PLCB1: variants seen among roughly 807,000 people sequenced by gnomAD.
PLCB1 encodes phospholipase C beta 1.
PLCB1 carries 46 observed loss-of-function variants against 161.8 expected under a neutral mutation model. The observed-to-expected ratio is 0.28, with a 90% CI of 0.22 to 0.36. The LOEUF (loss-of-function observed/expected upper bound fraction) is 0.36, where lower values mean the gene tolerates loss of function less well. Among genes scored for constraint, PLCB1 ranks in the 10% least tolerant of loss-of-function variants. The pLI is 1.00. For missense variants in PLCB1, 1,016 were observed against 1,472.5 expected, an observed-to-expected ratio of 0.69 and a Z score of 5.07; for synonymous variants, 517 against 503.7, an observed-to-expected ratio of 1.03 and a Z score of -0.35.
At chr20:8,576,895 A>T (rs1247322706) in intron 3 of PLCB1, among the ~76,000 whole-genome samples, 1 of 152,138 alleles carries the variant, frequency 6.6e-6, no homozygotes, top group Non-Finnish European at 1.5e-5. Flanking sequence ...TTTCAAGTCT[A>T]CGTGTGATGG....
At chr20:8,357,343 C>G (rs1049929771) in intron 2 of PLCB1, among the ~76,000 whole-genome samples, 1 of 152,142 alleles carries the variant, frequency 6.6e-6, no homozygotes, top group Non-Finnish European at 1.5e-5. Flanking sequence ...ATGATATTAA[C>G]CAATAATGTG....
chr20:8,866,594 T>C (rs949226733), intron 31 of PLCB1, among the ~76,000 whole-genome samples: 1 of 152,214 alleles, frequency 6.6e-6, no homozygotes, highest in African/African-American at 2.4e-5. Flanking sequence ...ATCAAAAGAA[T>C]AATCTAGTTA....
At chr20:8,463,146 A>AGAGCAGTGTGTGT (rs1555808931) in intron 3 of PLCB1, among the ~76,000 whole-genome samples, 1 of 144,680 alleles carries the variant, frequency 6.9e-6, no homozygotes, top group African/African-American at 2.6e-5. Context: ...AGTACAGAGC[A>AGAGCAGTGTGTGT]GTGTGTGTGT....
At chr20:8,197,253 C>T (rs756367796) in intron 2 of PLCB1, among the ~76,000 whole-genome samples, 1 of 152,128 alleles carries the variant, frequency 6.6e-6, no homozygotes, top group Non-Finnish European at 1.5e-5. Flanking sequence ...CACTGTCTTC[C>T]ACAATGTTTG....
chr20:8,304,391 C>T (rs1035506837), intron 2 of PLCB1, among the ~76,000 whole-genome samples: 4 of 151,948 alleles, frequency 2.6e-5, no homozygotes, highest in Non-Finnish European at 5.9e-5. Context: ...CTAAGAGAAG[C>T]CTGTTTCATC....
chr20:8,355,985 A>G (rs1266782337), intron 2 of PLCB1, among the ~76,000 whole-genome samples: 1 of 152,198 alleles, frequency 6.6e-6, no homozygotes, highest in Non-Finnish European at 1.5e-5. Flanking sequence ...TCTTAGCTTT[A>G]AAAATAGACC....
intron 27 of PLCB1, among the ~76,000 whole-genome samples, chr20:8,785,515 AGT>A (rs1437365889): frequency 1.3e-5 from 2 of 152,140 alleles, no homozygotes; most frequent in African/African-American, 4.8e-5. Flanking sequence ...AGTTTAGATA[AGT>A]GTGTGTTCTG....
At chr20:8,199,104 G>C (rs1427132264) in intron 2 of PLCB1, among the ~76,000 whole-genome samples, 2 of 151,972 alleles carry the variant, frequency 1.3e-5, no homozygotes, top group Admixed American at 1.3e-4. Flanking sequence ...TGTGTGTATA[G>C]TGTATACTTG....
intron 3 of PLCB1, among the ~76,000 whole-genome samples, chr20:8,390,462 T>A (rs908308503): frequency 1.8e-4 from 28 of 152,212 alleles, no homozygotes; most frequent in Non-Finnish European, 4.4e-5. Context: ...CATATAAATG[T>A]TGAGGGGACA....
At chr20:8,390,666 A>G (rs1156739036) in intron 3 of PLCB1, among the ~76,000 whole-genome samples, 1 of 152,176 alleles carries the variant, frequency 6.6e-6, no homozygotes, top group East Asian at 1.9e-4. Context: ...GAAATACACA[A>G]TTGCTTTTGC....
At chr20:8,781,296 CAAAT>C (rs1242599023) in intron 27 of PLCB1, among the ~76,000 whole-genome samples, 2 of 151,588 alleles carry the variant, frequency 1.3e-5, no homozygotes, top group African/African-American at 4.9e-5. Context: ...CAAGAAATGA[CAAAT>C]AAGCAAAAGA....
intron 2 of PLCB1, among the ~76,000 whole-genome samples, chr20:8,308,374 C>T (rs769930401): frequency 4.0e-5 from 6 of 148,274 alleles, no homozygotes; most frequent in Non-Finnish European, 7.7e-5. Flanking sequence ...CCCAGCACTT[C>T]GGGAGGCCAA....
At chr20:8,835,985 T>C (rs1986265946) in intron 31 of PLCB1, among the ~76,000 whole-genome samples, 1 of 152,080 alleles carries the variant, frequency 6.6e-6, no homozygotes, top group Non-Finnish European at 1.5e-5. Flanking sequence ...GTATCTGTGT[T>C]CAGCTAGCAG....
chr20:8,450,604 C>T (rs1981030461), intron 3 of PLCB1, among the ~76,000 whole-genome samples: 1 of 152,086 alleles, frequency 6.6e-6, no homozygotes, highest in Non-Finnish European at 1.5e-5. Context: ...TTGATCAGTG[C>T]TTCAAGCAGA....
At chr20:8,651,073 C>T (rs1373815082) in intron 7 of PLCB1, among the ~76,000 whole-genome samples, 3 of 152,130 alleles carry the variant, frequency 2.0e-5, no homozygotes, top group Non-Finnish European at 4.4e-5. Context: ...TTCTGGAAGT[C>T]CATTGCATAA....
chr20:8,762,228 G>A (rs981541005), intron 25 of PLCB1, among the ~76,000 whole-genome samples: 2 of 152,154 alleles, frequency 1.3e-5, no homozygotes, highest in African/African-American at 4.8e-5. Context: ...GAAAGATTTA[G>A]TTTCATGGGA....
intron 11 of PLCB1, among the ~76,000 whole-genome samples, chr20:8,700,913 A>T (rs1426614983): frequency 6.6e-6 from 1 of 151,006 alleles, no homozygotes; most frequent in East Asian, 1.9e-4. Context: ...GGAAATGCCA[A>T]CCTATTTTGC....
chr20:8,175,394 G>T (rs2051772239), intron 2 of PLCB1, among the ~76,000 whole-genome samples: 1 of 151,904 alleles, frequency 6.6e-6, no homozygotes. Flanking sequence ...GTTCAACAAG[G>T]CAAAGGACAG....
At chr20:8,689,486 T>C (rs1990426679) in intron 10 of PLCB1, among the ~76,000 whole-genome samples, 1 of 152,160 alleles carries the variant, frequency 6.6e-6, no homozygotes, top group African/African-American at 2.4e-5. Flanking sequence ...GGGTTTGTCA[T>C]AGGTGGCTTT....
Sources: gnomAD v4.1 joint callset for allele counts (sites outside exome capture counted in the v4.1 genomes callset) on GRCh38, gnomAD v4.1.1 for gene constraint, MANE v1.5 for transcripts, NCBI Gene and HGNC (gene_info 2026-07-23, HGNC 2026-07-21) for gene names.